Variants in TMEM131 observed in about 807,000 individuals in gnomAD.
The protein encoded by TMEM131 is transmembrane protein 131.
Under a neutral mutation model 211.6 loss-of-function variants are expected in TMEM131, and 66 were observed. The observed-to-expected ratio is 0.31, with a 90% CI of 0.26 to 0.38. The LOEUF (loss-of-function observed/expected upper bound fraction) is 0.38, where lower values mean the gene tolerates loss of function less well. Ranked by LOEUF, TMEM131 falls within the 10% of genes least tolerant of loss-of-function variation. The pLI, the probability that TMEM131 is intolerant of heterozygous loss-of-function variation, is 1.00. For synonymous variants in TMEM131, 844 were observed against 841.3 expected (o/e 1.00, Z -0.06); for missense variants, 2,036 against 2,299.3 (o/e 0.89, Z 2.34).
At chr2:97,780,265 T>A (rs1370113188) in intron 31 of TMEM131, among the ~76,000 whole-genome samples, 1 of 152,062 alleles carries the variant, frequency 6.6e-6, no homozygotes, top group African/African-American at 2.4e-5. Flanking sequence ...GAAGAAATGA[T>A]CTAAACAATG....
At chr2:97,775,311 C>T (rs931823193) in intron 32 of TMEM131, among the ~76,000 whole-genome samples, 1 of 152,096 alleles carries the variant, frequency 6.6e-6, no homozygotes, top group African/African-American at 2.4e-5. Context: ...CTGGGCTCCT[C>T]GTCCCTGGGG....
intron 11 of TMEM131, among the ~76,000 whole-genome samples, chr2:97,824,472 C>G (rs1157379802): frequency 6.6e-6 from 1 of 152,228 alleles, no homozygotes; most frequent in Non-Finnish European, 1.5e-5. Context: ...CCAGGTATTT[C>G]TCCCACCTCC....
intron 1 of TMEM131, among the ~76,000 whole-genome samples, chr2:97,941,602 G>A (rs558633833): frequency 2.0e-5 from 3 of 152,102 alleles, no homozygotes; most frequent in Admixed American, 1.3e-4. Flanking sequence ...ATCCAGAATC[G>A]ACAAAGAACT....
chr2:97,819,516 C>T (rs550079964), intron 11 of TMEM131, among the ~76,000 whole-genome samples: 79 of 152,280 alleles, frequency 5.2e-4, no homozygotes, highest in African/African-American at 1.8e-3. Flanking sequence ...AATAGCTAGG[C>T]ATCAACAGGT....
At chr2:97,921,707 T>TG (rs1676747879) in intron 2 of TMEM131, among the ~76,000 whole-genome samples, 1 of 151,808 alleles carries the variant, frequency 6.6e-6, no homozygotes, top group Non-Finnish European at 1.5e-5. Flanking sequence ...TACAAAACAA[T>TG]GGGAAAAAAG....
intron 31 of TMEM131, among the ~76,000 whole-genome samples, chr2:97,779,065 C>T (rs371570107): frequency 5.3e-4 from 80 of 152,284 alleles, no homozygotes; most frequent in African/African-American, 1.7e-3. Flanking sequence ...AGTCTGGGCC[C>T]GACCCCTCAG....
intron 1 of TMEM131, among the ~76,000 whole-genome samples, chr2:97,952,338 T>C (rs1678362548): frequency 6.6e-6 from 1 of 151,906 alleles, no homozygotes; most frequent in South Asian, 2.1e-4. Context: ...CTTCCCAAAT[T>C]TGGTGAAAGA....
chr2:97,778,673 T>C (rs537339355), intron 31 of TMEM131, among the ~76,000 whole-genome samples: 13 of 152,360 alleles, frequency 8.5e-5, no homozygotes, highest in African/African-American at 2.4e-4. Flanking sequence ...AAAAGTGATT[T>C]TGGAAAGGCT....
At chr2:97,799,271 T>TAAA (rs200143558) in intron 25 of TMEM131, among the ~76,000 whole-genome samples, 1 of 143,326 alleles carries the variant, frequency 7.0e-6, no homozygotes. Context: ...CATTTGTATT[T>TAAA]AAAAAAAAAA....
chr2:97,813,896 C>G (rs1307030748), intron 15 of TMEM131, 75 bp downstream of exon 15: 2 of 1,195,964 alleles, frequency 1.7e-6, no homozygotes, highest in East Asian at 2.6e-5. Context: ...GTATGTAACA[C>G]GACTGCCTAA....
At chr2:97,802,613 T>C in intron 23 of TMEM131, 39 bp downstream of exon 23, 2 of 1,607,700 alleles carry the variant, frequency 1.2e-6, no homozygotes, top group Non-Finnish European at 1.7e-6. Context: ...ATAATCCTAG[T>C]ATGTATTTCC....
At chr2:97,992,523 AAAACTTATTC>A in intron 1 of TMEM131, among the ~76,000 whole-genome samples, 1 of 152,316 alleles carries the variant, frequency 6.6e-6, no homozygotes, top group South Asian at 2.1e-4. Context: ...AACATTCTTG[AAAACTTATTC>A]GAATTTATAT....
At chr2:97,948,964 T>A (rs2104523892) in intron 1 of TMEM131, among the ~76,000 whole-genome samples, 1 of 152,286 alleles carries the variant, frequency 6.6e-6, no homozygotes, top group African/African-American at 2.4e-5. Flanking sequence ...GCCAGTAGTT[T>A]CTGAAAAAGT....
chr2:97,956,635 T>C (rs989002737), intron 1 of TMEM131, among the ~76,000 whole-genome samples: 1 of 152,122 alleles, frequency 6.6e-6, no homozygotes, highest in African/African-American at 2.4e-5. Flanking sequence ...AAAGTGAGAA[T>C]GTGTTATATA....
intron 3 of TMEM131, among the ~76,000 whole-genome samples, chr2:97,899,341 T>A (rs1675751947): frequency 6.6e-6 from 1 of 152,096 alleles, no homozygotes; most frequent in Non-Finnish European, 1.5e-5. Flanking sequence ...AGAAGACACT[T>A]GCAAAATAGG....
intron 1 of TMEM131, among the ~76,000 whole-genome samples, chr2:97,959,230 G>C (rs1678706843): frequency 6.6e-6 from 1 of 152,160 alleles, no homozygotes. Context: ...GACACAAACT[G>C]AGGTTACAAG....
At chr2:97,775,070 A>T (rs1310245754) in intron 32 of TMEM131, among the ~76,000 whole-genome samples, 1 of 152,234 alleles carries the variant, frequency 6.6e-6, no homozygotes, top group African/African-American at 2.4e-5. Flanking sequence ...ATTAAAGGCT[A>T]TATTAGGATC....
intron 31 of TMEM131, among the ~76,000 whole-genome samples, chr2:97,785,790 C>A (rs893643602): frequency 6.6e-6 from 1 of 152,134 alleles, no homozygotes; most frequent in African/African-American, 2.4e-5. Flanking sequence ...GAGCAAATGA[C>A]TAAAAAACCT....
intron 33 of TMEM131, among the ~76,000 whole-genome samples, chr2:97,767,719 G>C (rs1679242085): frequency 6.6e-6 from 1 of 152,134 alleles, no homozygotes; most frequent in Non-Finnish European, 1.5e-5. Flanking sequence ...TGCATCGCCG[G>C]CATTTTCCAC....
Sources: allele counts gnomAD v4.1 joint callset (sites outside exome capture counted in the v4.1 genomes callset), GRCh38; gene constraint gnomAD v4.1.1; transcripts MANE v1.5; gene names NCBI Gene and HGNC (gene_info 2026-07-23, HGNC 2026-07-21).